CSMD1: variants seen among roughly 807,000 people sequenced by gnomAD.
CSMD1 encodes CUB and Sushi multiple domains 1, also known as CUB and sushi domain-containing protein 1.
In CSMD1, 213 loss-of-function variants were observed where a neutral mutation model predicts 417.5. The ratio of observed to expected loss-of-function variants is 0.51; its 90% CI spans 0.46 to 0.57. The LOEUF is 0.57. Ranked by LOEUF, CSMD1 falls within the 20% of genes least tolerant of loss-of-function variation. The probability of loss-of-function intolerance (pLI) is 0.00; values close to 1 mark genes in which losing one functional copy is unlikely to be tolerated. For missense variants in CSMD1, 6,923 were observed against 4,529.7 expected (o/e 1.53, Z -15.17); for synonymous variants, 2,862 against 1,736.8 (o/e 1.65, Z -16.11).
At chr8:3,481,951 T>G (rs944987694) in intron 11 of CSMD1, among the ~76,000 whole-genome samples, 12 of 152,174 alleles carry the variant, frequency 7.9e-5, no homozygotes, top group African/African-American at 2.7e-4. Flanking sequence ...ATAGTAACAG[T>G]AGGAAATAAA....
intron 1 of CSMD1, among the ~76,000 whole-genome samples, chr8:4,896,161 A>T (rs1563701016): frequency 6.6e-6 from 1 of 152,024 alleles, no homozygotes. Flanking sequence ...CATTTGAAAG[A>T]TTGTTTCCTT....
intron 1 of CSMD1, among the ~76,000 whole-genome samples, chr8:4,893,191 T>C (rs550848379): frequency 1.3e-5 from 2 of 152,316 alleles, no homozygotes; most frequent in East Asian, 3.9e-4. Context: ...TCAGCTTTAT[T>C]AACTCACTAA....
At chr8:4,416,150 C>A (rs570702880) in intron 3 of CSMD1, among the ~76,000 whole-genome samples, 1 of 152,276 alleles carries the variant, frequency 6.6e-6, no homozygotes, top group South Asian at 2.1e-4. Context: ...AAGTTCTATA[C>A]AAAGCAAGTA....
chr8:4,637,542 G>T lies in CSMD1; in HGVS notation c.102C>A (p.Gly34=). The part of the protein sequence containing the change: ...LTAAKGQNCG[G]LVQGPNGTIE... ...TAGTGCCATTGGGACCCTGGACTAA[G>T]CCTCCACAGTTCTGACCTGGAAGAG... The change falls in exon 2 of 70, where the codon GGC becomes GGA. Residue 34 remains glycine (G), a synonymous_variant. Coordinates refer to ENST00000635120, the MANE Select transcript of CSMD1 (RefSeq NM_033225.6). 1 of 1,596,676 alleles carries T rather than the reference G, an allele frequency of 6.3e-7. No individual in the cohort carries two copies. Among genetic ancestry groups the T allele is most frequent in the Middle Eastern group, 1.7e-4 (1 of 5,972 alleles).
At chr8:4,458,525 A>G (rs1370880196) in intron 2 of CSMD1, among the ~76,000 whole-genome samples, 1 of 152,144 alleles carries the variant, frequency 6.6e-6, no homozygotes, top group Non-Finnish European at 1.5e-5. Flanking sequence ...ATAGTGTGAA[A>G]GAGGTATGTA....
intron 3 of CSMD1, among the ~76,000 whole-genome samples, chr8:4,395,841 A>G (rs1295704228): frequency 1.3e-5 from 2 of 152,216 alleles, no homozygotes; most frequent in Non-Finnish European, 2.9e-5. Context: ...AACTTAGAAA[A>G]TGATAGCATG....
intron 18 of CSMD1, among the ~76,000 whole-genome samples, chr8:3,372,122 G>A (rs969187943): frequency 6.6e-6 from 1 of 152,166 alleles, no homozygotes; most frequent in African/African-American, 2.4e-5. Flanking sequence ...TAAGAAAAAG[G>A]GATGGGATAG....
intron 3 of CSMD1, among the ~76,000 whole-genome samples, chr8:4,359,648 C>A (rs543608521): frequency 6.6e-6 from 1 of 152,164 alleles, no homozygotes; most frequent in Non-Finnish European, 1.5e-5. Flanking sequence ...GCTCCCCTTG[C>A]AAATGTGTGT....
At chr8:4,947,088 G>A (rs1386129029) in intron 1 of CSMD1, among the ~76,000 whole-genome samples, 3 of 152,064 alleles carry the variant, frequency 2.0e-5, no homozygotes, top group Non-Finnish European at 2.9e-5. Flanking sequence ...TAATCCATTT[G>A]TAGTTACATA....
chr8:3,384,422 C>T (rs907108433), intron 18 of CSMD1, among the ~76,000 whole-genome samples: 1 of 151,466 alleles, frequency 6.6e-6, no homozygotes, highest in Admixed American at 6.6e-5. Flanking sequence ...TCTGTACAGA[C>T]AAAGATCTGT....
At chr8:3,812,513 G>C (rs1434588720) in intron 5 of CSMD1, among the ~76,000 whole-genome samples, 3 of 152,200 alleles carry the variant, frequency 2.0e-5, no homozygotes, top group African/African-American at 7.2e-5. Context: ...CTGAAAAACA[G>C]TTTGTGGGGA....
chr8:3,950,905 T>G (rs919948358), intron 5 of CSMD1, among the ~76,000 whole-genome samples: 1 of 152,046 alleles, frequency 6.6e-6, no homozygotes, highest in African/African-American at 2.4e-5. Flanking sequence ...TAATAAAAAA[T>G]AAGGAAAACC....
chr8:4,233,003 G>T (rs561729079), intron 3 of CSMD1, among the ~76,000 whole-genome samples: 1 of 152,256 alleles, frequency 6.6e-6, no homozygotes, highest in African/African-American at 2.4e-5. Context: ...GATAGACGTG[G>T]TGTCATGTCT....
intron 49 of CSMD1, among the ~76,000 whole-genome samples, chr8:3,060,299 C>T (rs1812508832): frequency 6.6e-6 from 1 of 152,066 alleles, no homozygotes; most frequent in African/African-American, 2.4e-5. Context: ...GCGTGCACCA[C>T]TGTGCCTAGC....
chr8:4,419,685 A>T (rs1365382433), intron 3 of CSMD1, among the ~76,000 whole-genome samples: 1 of 152,192 alleles, frequency 6.6e-6, no homozygotes, highest in Non-Finnish European at 1.5e-5. Flanking sequence ...CAAATTTCTC[A>T]AAACTTATTC....
intron 1 of CSMD1, among the ~76,000 whole-genome samples, chr8:4,707,394 G>C (rs1020741784): frequency 1.3e-5 from 2 of 152,114 alleles, no homozygotes; most frequent in Non-Finnish European, 2.9e-5. Flanking sequence ...GTTTTTAATC[G>C]TGCTGGGAAA....
chr8:4,774,529 A>G (rs778839464), intron 1 of CSMD1, among the ~76,000 whole-genome samples: 1 of 152,222 alleles, frequency 6.6e-6, no homozygotes, highest in Non-Finnish European at 1.5e-5. Flanking sequence ...AAAGAATATC[A>G]TCATGTCCAG....
chr8:4,365,750 G>GA (rs1474550591), intron 3 of CSMD1, among the ~76,000 whole-genome samples: 14 of 152,136 alleles, frequency 9.2e-5, no homozygotes, highest in African/African-American at 2.9e-4. Context: ...TTGAATAGCT[G>GA]ACTCCGGTGA....
At chr8:4,611,282 T>C (rs1585328324) in intron 2 of CSMD1, among the ~76,000 whole-genome samples, 1 of 152,208 alleles carries the variant, frequency 6.6e-6, no homozygotes, top group Non-Finnish European at 1.5e-5. Flanking sequence ...GTGAAAACCT[T>C]TTCATACCAA....
Sources: allele counts gnomAD v4.1 joint callset (sites outside exome capture counted in the v4.1 genomes callset), GRCh38; gene constraint gnomAD v4.1.1; transcripts MANE v1.5; gene names NCBI Gene and HGNC (gene_info 2026-07-23, HGNC 2026-07-21).